Variants in DLGAP2 observed in about 807,000 individuals in gnomAD.
DLGAP2 encodes the protein disks large-associated protein 2.
In DLGAP2, 26 loss-of-function variants were observed where a neutral mutation model predicts 100.3. The observed-to-expected ratio is 0.26, with a 90% CI of 0.19 to 0.36. The LOEUF is 0.36. DLGAP2 is among the 10% of genes least tolerant of loss of function. The pLI is 1.00. For missense variants in DLGAP2, 1,858 were observed against 1,453.2 expected (o/e 1.28, Z -4.53); for synonymous variants, 886 against 630.1 (o/e 1.41, Z -6.08).
chr8:848,926 TGCCTGTTCCAGCATAGGAACGCGC>T (rs1563061931), intron 1 of DLGAP2, among the ~76,000 whole-genome samples: 1 of 148,728 alleles, frequency 6.7e-6, no homozygotes, highest in South Asian at 2.2e-4. Flanking sequence ...GAACGCGCGG[TGCCTGTTCCAGCATAGGAACGCGC>T]GGTGCCTGTT....
At chr8:1,003,693 A>C (rs868724634) in intron 2 of DLGAP2, among the ~76,000 whole-genome samples, 2 of 152,166 alleles carry the variant, frequency 1.3e-5, no homozygotes, top group Admixed American at 6.5e-5. Context: ...CACACAGGGC[A>C]GGTGGGGCTG....
chr8:1,058,207 G>T (rs1246658468), intron 2 of DLGAP2, among the ~76,000 whole-genome samples: 6 of 152,054 alleles, frequency 3.9e-5, no homozygotes, highest in Admixed American at 2.0e-4. Flanking sequence ...TGGGGGTGTG[G>T]CCGGATTGAC....
intron 2 of DLGAP2, among the ~76,000 whole-genome samples, chr8:1,056,626 A>G (rs1168672456): frequency 1.3e-5 from 2 of 152,230 alleles, no homozygotes; most frequent in African/African-American, 4.8e-5. Context: ...ACACCGGCAC[A>G]CCCGTGCCAA....
At chr8:1,348,673 G>A (rs74885836) in intron 3 of DLGAP2, among the ~76,000 whole-genome samples, 1 of 152,206 alleles carries the variant, frequency 6.6e-6, no homozygotes, top group Non-Finnish European at 1.5e-5. Flanking sequence ...CTGTGTGGAG[G>A]TTGAGTGCCC....
At chr8:1,006,559 T>TATG (rs1801115838) in intron 2 of DLGAP2, among the ~76,000 whole-genome samples, 1 of 58,074 alleles carries the variant, frequency 1.7e-5, no homozygotes, top group Non-Finnish European at 3.2e-5. Flanking sequence ...AGTCTCAGGA[T>TATG]GTCCTTTATC....
intron 1 of DLGAP2, among the ~76,000 whole-genome samples, chr8:817,069 A>C (rs1315159137): frequency 6.7e-6 from 1 of 148,292 alleles, no homozygotes; most frequent in Admixed American, 6.8e-5. Context: ...TGAACCTGGG[A>C]GGCGGGGCTT....
intron 3 of DLGAP2, among the ~76,000 whole-genome samples, chr8:1,375,043 G>A (rs1216282437): frequency 2.0e-5 from 3 of 152,232 alleles, no homozygotes; most frequent in African/African-American, 7.2e-5. Context: ...CTGAGGTGCT[G>A]TTCATCTCCA....
chr8:1,179,559 A>G (rs558818089), intron 2 of DLGAP2, among the ~76,000 whole-genome samples: 1 of 152,348 alleles, frequency 6.6e-6, no homozygotes, highest in East Asian at 1.9e-4. Context: ...TTTACTCAAG[A>G]CGGTGGAATT....
chr8:1,340,296 G>A (rs1018080735), intron 3 of DLGAP2, among the ~76,000 whole-genome samples: 1 of 152,138 alleles, frequency 6.6e-6, no homozygotes, highest in Non-Finnish European at 1.5e-5. Context: ...AGAGCAAACA[G>A]GCAACCTACA....
intron 3 of DLGAP2, among the ~76,000 whole-genome samples, chr8:1,470,765 G>T (rs113766503): frequency 0.52 from 28,973 of 55,698 alleles, 9,669 homozygotes; most frequent in Middle Eastern, 0.66. Flanking sequence ...GACTCCTCCA[G>T]CCTTTCCCGA....
chr8:1,227,020 G>A (rs1438738262), intron 2 of DLGAP2, among the ~76,000 whole-genome samples: 1 of 150,454 alleles, frequency 6.6e-6, no homozygotes, highest in African/African-American at 2.5e-5. Flanking sequence ...GTACCCAAAG[G>A]GAACAAAATC....
rs1332716836 is a variant in DLGAP2 at position 1,703,276 on chromosome 8, C to T, written c.*1870C>T. The T allele has an allele frequency of 6.6e-6, 1 of 150,780 alleles. No homozygotes were observed. Among genetic ancestry groups the T allele is most frequent in the Non-Finnish European group, 1.5e-5 (1 of 67,788 alleles). 9.3% of individuals were successfully genotyped at this position (150,780 alleles called of 1,614,324 possible). A position where few individuals can be genotyped will look rare whatever the true frequency, so the allele number is the denominator to read the frequency against. ...ATATATTTGGAAGCAAAAATCAGTA[C>T]GAATGTATCTCCTTGAAAAATGCAA... On this transcript the variant is annotated 3_prime_UTR_variant, in exon 15 of 15. Coordinates refer to ENST00000637795, the MANE Select transcript of DLGAP2 (RefSeq NM_001346810.2).
intron 3 of DLGAP2, among the ~76,000 whole-genome samples, chr8:1,314,816 C>G (rs1563077427): frequency 6.6e-6 from 1 of 152,230 alleles, no homozygotes; most frequent in Non-Finnish European, 1.5e-5. Flanking sequence ...ATGAAGGATA[C>G]ACACAGGATT....
intron 3 of DLGAP2, among the ~76,000 whole-genome samples, chr8:1,310,333 T>C (rs964992086): frequency 6.6e-6 from 1 of 152,172 alleles, no homozygotes; most frequent in Admixed American, 6.5e-5. Flanking sequence ...ATTTTAAATA[T>C]ATATGTACCA....
intron 2 of DLGAP2, among the ~76,000 whole-genome samples, chr8:1,096,300 A>G (rs1286252736): frequency 6.6e-6 from 1 of 152,240 alleles, no homozygotes; most frequent in African/African-American, 2.4e-5. Flanking sequence ...TCTCCCAAGG[A>G]AACTTGGATG....
Position 1,149,604 on chromosome 8 carries a change from T to G in DLGAP2, c.74-109247T>G, listed in dbSNP as rs557096585. The stretch of plus-strand genomic sequence containing the variant: ...ACTATATTCTAATATTTAAGTTTTA[T>G]TCTTTAAGCATATAGTTGTTTCTAT... On this transcript the variant is annotated intron_variant, in intron 2 of 14. Transcript: ENST00000637795. 9.8e-5 allele frequency among the ~76,000 whole-genome samples: 15 copies of G among 152,354 alleles called. No individual in the cohort carries two copies. In the South Asian group the frequency reaches 3.1e-3, roughly 32 times the overall value.
intron 3 of DLGAP2, among the ~76,000 whole-genome samples, chr8:1,295,342 G>C (rs140283264): frequency 6.6e-6 from 1 of 152,192 alleles, no homozygotes; most frequent in Non-Finnish European, 1.5e-5. Context: ...CCTGGTGACC[G>C]TGGGCCCGGA....
chr8:1,373,264 CCA>C (rs375638155), intron 3 of DLGAP2, among the ~76,000 whole-genome samples: 452 of 151,380 alleles, frequency 3.0e-3, no homozygotes, highest in Middle Eastern at 0.017. Context: ...GGCGCCGCCG[CCA>C]CGCGCGTGCG....
intron 1 of DLGAP2, among the ~76,000 whole-genome samples, chr8:826,625 C>A (rs1796688921): frequency 6.6e-6 from 1 of 151,868 alleles, no homozygotes; most frequent in Admixed American, 6.6e-5. Context: ...GGAGCCCTGC[C>A]TTCTGCCTGT....
Sources: gnomAD v4.1 joint callset for allele counts (sites outside exome capture counted in the v4.1 genomes callset) on GRCh38, gnomAD v4.1.1 for gene constraint, MANE v1.5 for transcripts, NCBI Gene and HGNC (gene_info 2026-07-23, HGNC 2026-07-21) for gene names.